Variants in SUSD5 observed in about 807,000 individuals in gnomAD.
The protein encoded by SUSD5 is sushi domain containing 5, also known as sushi domain-containing protein 5.
A neutral mutation model predicts 29.5 loss-of-function variants in SUSD5; 33 were observed. That is an observed-to-expected ratio of 1.12 (90% CI 0.85 to 1.49). The LOEUF (loss-of-function observed/expected upper bound fraction) is 1.49. Among genes scored for constraint, SUSD5 ranks in the 40% most tolerant of loss-of-function variants. The probability of loss-of-function intolerance (pLI) is 0.00; values close to 1 mark genes in which losing one functional copy is unlikely to be tolerated. For synonymous variants in SUSD5, 308 were observed against 325.3 expected, an observed-to-expected ratio of 0.95 and a Z score of 0.57; for missense variants, 776 against 800.6, an observed-to-expected ratio of 0.97 and a Z score of 0.37.
chr3:33,213,919 C>T lies in SUSD5; in HGVS notation c.290+9G>A, dbSNP rs1487619957. 8 of 1,583,636 alleles carry T rather than the reference C, an allele frequency of 5.1e-6. No homozygotes were observed. Among genetic ancestry groups the T allele is most frequent in the Non-Finnish European group, 4.3e-6 (5 of 1,163,058 alleles). ...GGTGAGTTGGAAAAGGAGTGCTCGC[C>T]TAACTTACCCAAGAGTACCATCTGC... On this transcript the variant is annotated intron_variant, in intron 2 of 4. Transcript: ENST00000309558.
rs2031686458 is a variant in SUSD5 at position 33,182,162 on chromosome 3, CTT to C, written c.410-7090_410-7089del. The stretch of plus-strand genomic sequence containing the variant: ...GTGGTTAAAAATATTTTAAAATTCT[CTT>C]GAGATATCTTCTTTGACCCATGCAT... On this transcript the variant is annotated intron_variant, in intron 3 of 4. Transcript: ENST00000309558. Among the ~76,000 whole-genome samples, 4 of 152,260 alleles carry C rather than the reference CTT, an allele frequency of 2.6e-5. No homozygotes were observed. In the South Asian group the frequency reaches 8.3e-4, roughly 32 times the overall value.
intron 3 of SUSD5, among the ~76,000 whole-genome samples, chr3:33,183,560 C>T (rs1238837470): frequency 6.6e-6 from 1 of 152,136 alleles, no homozygotes; most frequent in African/African-American, 2.4e-5. Flanking sequence ...CCTCCTGCCC[C>T]CTGTATCATT....
chr3:33,188,945 G>A (rs1216821706), intron 3 of SUSD5, among the ~76,000 whole-genome samples: 1 of 152,110 alleles, frequency 6.6e-6, no homozygotes, highest in Non-Finnish European at 1.5e-5. Context: ...TTCAGCATGA[G>A]GTATAAGTGG....
intron 1 of SUSD5, among the ~76,000 whole-genome samples, chr3:33,214,452 T>C (rs1034982826): frequency 6.6e-6 from 1 of 151,964 alleles, no homozygotes. Flanking sequence ...CTGAGTTAGG[T>C]CACTTGATGA....
At chr3:33,163,231 AT>A (rs1319750304) in intron 4 of SUSD5, among the ~76,000 whole-genome samples, 1 of 152,184 alleles carries the variant, frequency 6.6e-6, no homozygotes. Context: ...CAAGGACATA[AT>A]AAAAAGGAAA....
At chr3:33,172,180 A>AACACACACACACACAC (rs10576154) in intron 4 of SUSD5, among the ~76,000 whole-genome samples, 1 of 148,450 alleles carries the variant, frequency 6.7e-6, no homozygotes, top group African/African-American at 2.5e-5. Flanking sequence ...ACTCTTGTAA[A>AACACACACACACACAC]ACACACACAC....
At chr3:33,179,081 G>A (rs1356740148) in intron 3 of SUSD5, among the ~76,000 whole-genome samples, 1 of 152,122 alleles carries the variant, frequency 6.6e-6, no homozygotes, top group African/African-American at 2.4e-5. Flanking sequence ...TTCTTTGGAA[G>A]GTAATTAGTT....
rs1246901688 is a variant in SUSD5 at position 33,214,226 on chromosome 3, G to C, written c.113-121C>G. 4 of 851,152 alleles carry C rather than the reference G, an allele frequency of 4.7e-6. No homozygotes were observed. The Admixed American group carries it at 1.4e-4, about 30-fold the overall frequency. 52.7% of individuals were successfully genotyped at this position (851,152 alleles called of 1,614,324 possible). A position where few individuals can be genotyped will look rare whatever the true frequency, so the allele number is the denominator to read the frequency against. ...GTCCTTGCCTGAAGGCCCAAGTGCA[G>C]CAACTACCACATCCACATCCCTGGG... is the stretch of plus-strand genomic sequence containing the variant. On this transcript the variant is annotated intron_variant, in intron 1 of 4. Transcript: ENST00000309558.
chr3:33,152,554 G>A lies in SUSD5; in HGVS notation c.*188C>T, dbSNP rs1370598565. The stretch of plus-strand genomic sequence containing the variant: ...TGGTGGAGGAGACATTGACATGAGT[G>A]ATGATGTCACCAAAGCCTCCCTGCC... On this transcript the variant is annotated 3_prime_UTR_variant, in exon 5 of 5. Transcript: ENST00000309558. The A allele has an allele frequency of 8.2e-6, 5 of 610,204 alleles. No individual in the cohort carries two copies. Among genetic ancestry groups the A allele is most frequent in the Non-Finnish European group, 1.4e-5 (5 of 350,104 alleles). 37.8% of individuals were successfully genotyped at this position (610,204 alleles called of 1,614,324 possible).
chr3:33,153,441 C>A lies in SUSD5; in HGVS notation c.1191G>T (p.Gly397=). ...EEEEDGDRGD[G]SVGLDENVLV... Reference sequence around the variant, plus strand: ...GGACGTTTTCATCCAGCCCTACTGACCCATCCCCTCTGTCCCCATCTTCTT... The same window carrying A: ...GGACGTTTTCATCCAGCCCTACTGAACCATCCCCTCTGTCCCCATCTTCTT... The change falls in exon 5 of 5, where the codon GGG becomes GGT. Residue 397 remains glycine, a synonymous_variant. Coordinates refer to ENST00000309558, the MANE Select transcript of SUSD5 (RefSeq NM_015551.2). 1 of 1,614,050 alleles carries A rather than the reference C, an allele frequency of 6.2e-7. No individual in the cohort carries two copies. The highest frequency in any genetic ancestry group is 8.5e-7 in the Non-Finnish European group (1 of 1,179,970).
chr3:33,159,849 A>G (rs1212875638), intron 4 of SUSD5, among the ~76,000 whole-genome samples: 1 of 152,194 alleles, frequency 6.6e-6, no homozygotes, highest in Non-Finnish European at 1.5e-5. Flanking sequence ...TATTGCAATG[A>G]ATTTCAGAAA....
chr3:33,163,169 T>A (rs748296248), intron 4 of SUSD5, among the ~76,000 whole-genome samples: 14 of 151,982 alleles, frequency 9.2e-5, no homozygotes, highest in Non-Finnish European at 1.9e-4. Context: ...AAAGAGGAAA[T>A]ACTTCCCAAT....
intron 4 of SUSD5, among the ~76,000 whole-genome samples, chr3:33,170,831 T>C (rs2031410668): frequency 6.6e-6 from 1 of 152,170 alleles, no homozygotes; most frequent in African/African-American, 2.4e-5. Context: ...CTAGAGTTAA[T>C]AACACACAAG....
chr3:33,157,825 T>C (rs1356916443), intron 4 of SUSD5, among the ~76,000 whole-genome samples: 1 of 152,218 alleles, frequency 6.6e-6, no homozygotes, highest in Non-Finnish European at 1.5e-5. Flanking sequence ...CCACCGTAGA[T>C]TAGCCAGCTG....
At chr3:33,175,388 C>G (rs1278997130) in intron 3 of SUSD5, among the ~76,000 whole-genome samples, 2 of 152,126 alleles carry the variant, frequency 1.3e-5, no homozygotes, top group East Asian at 3.9e-4. Flanking sequence ...TACCTAGCAG[C>G]AAGCTCCTTT....
chr3:33,179,370 G>A (rs1378647942), intron 3 of SUSD5, among the ~76,000 whole-genome samples: 1 of 152,112 alleles, frequency 6.6e-6, no homozygotes, highest in East Asian at 1.9e-4. Context: ...TTTATGTTTA[G>A]ATTCAAAGAA....
rs534531957 is a variant in SUSD5 at position 33,186,218 on chromosome 3, C to T, written c.410-11144G>A. Among the ~76,000 whole-genome samples the T allele has an allele frequency of 1.8e-3, 279 of 151,438 alleles. 1 individual carries two copies. The highest frequency in any genetic ancestry group is 5.4e-3 in the African/African-American group (222 of 41,320). On this transcript the variant is annotated intron_variant, in intron 3 of 4. Transcript: ENST00000309558. ...TCGGGAGGCTGAGGCAGGAGAATGGCGTGAACCCGGGAGGTGGAGCTTGCA... is the reference window on the plus strand; with the variant it reads ...TCGGGAGGCTGAGGCAGGAGAATGGTGTGAACCCGGGAGGTGGAGCTTGCA...
At chr3:33,208,317 T>C (rs1242592879) in intron 2 of SUSD5, among the ~76,000 whole-genome samples, 1 of 152,204 alleles carries the variant, frequency 6.6e-6, no homozygotes, top group Non-Finnish European at 1.5e-5. Flanking sequence ...TTAGATTTCC[T>C]TCTAGGTATA....
At chr3:33,199,963 T>C (rs1249396866) in intron 3 of SUSD5, among the ~76,000 whole-genome samples, 1 of 152,224 alleles carries the variant, frequency 6.6e-6, no homozygotes, top group Non-Finnish European at 1.5e-5. Context: ...AAGAAGGCTC[T>C]TGCTAGATGC....
Sources: allele counts gnomAD v4.1 joint callset (sites outside exome capture counted in the v4.1 genomes callset), GRCh38; gene constraint gnomAD v4.1.1; transcripts MANE v1.5; gene names NCBI Gene and HGNC (gene_info 2026-07-23, HGNC 2026-07-21).